Variants in SNX24 observed in about 807,000 individuals in gnomAD.
The protein encoded by SNX24 is sorting nexin-24.
Under a neutral mutation model 28.7 loss-of-function variants are expected in SNX24, and 22 were observed. That is an observed-to-expected ratio of 0.77 (90% CI 0.55 to 1.10). The LOEUF is 1.10. Among genes scored for constraint, SNX24 ranks in the 50% least tolerant of loss-of-function variants. The pLI, the probability that SNX24 is intolerant of heterozygous loss-of-function variation, is 0.00. For missense variants in SNX24, 221 were observed against 201.1 expected (o/e 1.10, Z -0.60); for synonymous variants, 69 against 71.5 (o/e 0.96, Z 0.18).
chr5:122,853,276 G>T (rs1180811912), intron 1 of SNX24, among the ~76,000 whole-genome samples: 2 of 151,792 alleles, frequency 1.3e-5, no homozygotes, highest in South Asian at 2.1e-4. Context: ...ACAGGCACCC[G>T]CCACCAAGGC....
At chr5:122,873,737 CTCTT>C (rs1756090479) in intron 1 of SNX24, among the ~76,000 whole-genome samples, 3 of 148,384 alleles carry the variant, frequency 2.0e-5, no homozygotes, top group Admixed American at 2.0e-4. Flanking sequence ...TGCCAGCACT[CTCTT>C]TCATCTTTCA....
At chr5:122,946,873 T>C (rs189151652) in intron 3 of SNX24, among the ~76,000 whole-genome samples, 124 of 152,302 alleles carry the variant, frequency 8.1e-4, no homozygotes, top group African/African-American at 2.7e-3. Context: ...CAAAGAACAC[T>C]GTGCAGGGCA....
intron 1 of SNX24, among the ~76,000 whole-genome samples, chr5:122,873,705 C>T (rs537186716): frequency 1.1e-4 from 17 of 150,268 alleles, no homozygotes; most frequent in South Asian, 4.2e-4. Context: ...CCATCACTTT[C>T]GGTAGTTTTC....
At chr5:122,975,635 AT>A (rs1314831404) in intron 3 of SNX24, among the ~76,000 whole-genome samples, 1 of 152,226 alleles carries the variant, frequency 6.6e-6, no homozygotes, top group Non-Finnish European at 1.5e-5. Flanking sequence ...TCTGATTCCT[AT>A]GATATGCAAA....
intron 1 of SNX24, among the ~76,000 whole-genome samples, chr5:122,877,724 G>T (rs1434371612): frequency 6.6e-6 from 1 of 152,104 alleles, no homozygotes; most frequent in Non-Finnish European, 1.5e-5. Flanking sequence ...TGGTTAACTT[G>T]TGTTTTTTCT....
intron 1 of SNX24, among the ~76,000 whole-genome samples, chr5:122,895,797 A>G (rs1757175204): frequency 6.6e-6 from 1 of 152,226 alleles, no homozygotes; most frequent in Non-Finnish European, 1.5e-5. Flanking sequence ...TCACTTGGAA[A>G]CAAAGGAAAA....
intron 1 of SNX24, among the ~76,000 whole-genome samples, chr5:122,928,769 C>A (rs1758819008): frequency 6.6e-6 from 1 of 151,750 alleles, no homozygotes; most frequent in South Asian, 2.1e-4. Context: ...GACTTCTGAT[C>A]TGTAGTACTG....
At chr5:122,883,652 T>A (rs1188345282) in intron 1 of SNX24, among the ~76,000 whole-genome samples, 1 of 152,184 alleles carries the variant, frequency 6.6e-6, no homozygotes, top group Non-Finnish European at 1.5e-5. Flanking sequence ...ATTTATTCTT[T>A]TTTTTTGTTT....
At chr5:122,932,858 CAAAAAAAAAAAAA>C (rs57930558) in intron 1 of SNX24, among the ~76,000 whole-genome samples, 12 of 88,016 alleles carry the variant, frequency 1.4e-4, no homozygotes, top group Admixed American at 1.2e-4. Context: ...GACTCTGTCT[CAAAAAAAAAAAAA>C]AAAAAAAAAA....
intron 3 of SNX24, among the ~76,000 whole-genome samples, chr5:122,960,584 A>T (rs947036012): frequency 6.6e-6 from 1 of 152,108 alleles, no homozygotes; most frequent in East Asian, 1.9e-4. Flanking sequence ...CTAGCAGTTA[A>T]TATTCTTTTA....
chr5:122,861,338 C>T (rs1161221185), intron 1 of SNX24, among the ~76,000 whole-genome samples: 1 of 152,008 alleles, frequency 6.6e-6, no homozygotes, highest in Admixed American at 6.6e-5. Flanking sequence ...AGACTTTGTC[C>T]ACCACCCCTC....
chr5:122,989,470 ACTT>A (rs1253082603), intron 3 of SNX24, among the ~76,000 whole-genome samples: 1 of 113,196 alleles, frequency 8.8e-6, no homozygotes, highest in Non-Finnish European at 1.6e-5. Context: ...CCATCCAGTC[ACTT>A]CTTCTGACAT....
chr5:122,987,354 C>T (rs1329816702), intron 3 of SNX24, among the ~76,000 whole-genome samples: 1 of 151,388 alleles, frequency 6.6e-6, no homozygotes, highest in Non-Finnish European at 1.5e-5. Flanking sequence ...ATCAGAAACT[C>T]TCTGGGTTGG....
At chr5:122,890,630 C>A (rs565590797) in intron 1 of SNX24, among the ~76,000 whole-genome samples, 2 of 152,032 alleles carry the variant, frequency 1.3e-5, no homozygotes, top group Non-Finnish European at 2.9e-5. Flanking sequence ...CCACCACACC[C>A]GTCTAATTTT....
intron 1 of SNX24, among the ~76,000 whole-genome samples, chr5:122,909,488 A>G (rs1391505007): frequency 6.6e-6 from 1 of 152,216 alleles, no homozygotes; most frequent in Non-Finnish European, 1.5e-5. Flanking sequence ...GTCTCCAAAG[A>G]TAAGTCCAGG....
chr5:123,026,062 ACCCTATAG>A, intron 5 of SNX24: 1 of 1,082,198 alleles, frequency 9.2e-7, no homozygotes, highest in East Asian at 2.7e-5. Flanking sequence ...AATTACTAGA[ACCCTATAG>A]GAGGTAGGGA....
chr5:122,975,970 G>C (rs1179362329), intron 3 of SNX24, among the ~76,000 whole-genome samples: 1 of 151,994 alleles, frequency 6.6e-6, no homozygotes, highest in African/African-American at 2.4e-5. Context: ...ACATAATTTG[G>C]CCGTGCTGTA....
chr5:122,948,971 A>C (rs1759814741), intron 3 of SNX24, among the ~76,000 whole-genome samples: 1 of 152,246 alleles, frequency 6.6e-6, no homozygotes, highest in African/African-American at 2.4e-5. Flanking sequence ...CTGGATAAGT[A>C]GATAGATGAT....
chr5:122,876,357 G>T (rs561446627), intron 1 of SNX24, among the ~76,000 whole-genome samples: 8 of 152,258 alleles, frequency 5.3e-5, no homozygotes, highest in African/African-American at 1.9e-4. Context: ...GTTTTTGAAG[G>T]CATCATATTT....
Sources: allele counts gnomAD v4.1 joint callset (sites outside exome capture counted in the v4.1 genomes callset), GRCh38; gene constraint gnomAD v4.1.1; transcripts MANE v1.5; gene names NCBI Gene and HGNC (gene_info 2026-07-23, HGNC 2026-07-21).